The following CRYBG1 variants were observed in gnomAD, a reference collection of about 807,000 sequenced individuals.
CRYBG1 encodes the protein beta/gamma crystallin domain-containing protein 1.
A neutral mutation model predicts 189.2 loss-of-function variants in CRYBG1; 139 were observed. The observed-to-expected ratio is 0.73, with a 90% CI of 0.64 to 0.85. The LOEUF (loss-of-function observed/expected upper bound fraction) is 0.85. Among genes scored for constraint, CRYBG1 ranks in the 40% least tolerant of loss-of-function variants. CRYBG1 has a pLI of 0.00. For missense variants in CRYBG1, 2,611 were observed against 2,675.8 expected, an observed-to-expected ratio of 0.98 and a Z score of 0.53; for synonymous variants, 1,023 against 1,017.1, an observed-to-expected ratio of 1.01 and a Z score of -0.11.
At chr6:106,513,357 CT>C (rs1773346100) in intron 3 of CRYBG1, among the ~76,000 whole-genome samples, 1 of 152,164 alleles carries the variant, frequency 6.6e-6, no homozygotes, top group South Asian at 2.1e-4. Flanking sequence ...TGATTCTATT[CT>C]TTATTCAAAA....
At chr6:106,429,304 C>T (rs1771283000) in intron 1 of CRYBG1, among the ~76,000 whole-genome samples, 1 of 152,038 alleles carries the variant, frequency 6.6e-6, no homozygotes, top group South Asian at 2.1e-4. Context: ...TCAGTTCTTC[C>T]TTTTATAAAA....
In CRYBG1 at chr6:106,501,284, T is replaced by G. The variant is rs556994507; in HGVS notation, c.313-10146T>G. ...GTGATTCAAAAGTGTTCACCCTGCA[T>G]AGTTTGCATATCCTCCATACCTTAT... On this transcript the variant is annotated intron_variant, in intron 2 of 21. Transcript: ENST00000633556. 1.6e-4 allele frequency among the ~76,000 whole-genome samples: 24 copies of G among 152,288 alleles called. No homozygotes were observed. The South Asian group carries it at 5.0e-3, about 32-fold the overall frequency.
At position 106,418,713 on chromosome 6, in the gene CRYBG1, G is replaced by A. The variant is rs143549667; in HGVS notation, c.174-32981G>A. Among the ~76,000 whole-genome samples the A allele has an allele frequency of 2.8e-3, 431 of 152,260 alleles. 2 individuals are homozygous for A. Among genetic ancestry groups the A allele is most frequent in the African/African-American group, 9.9e-3 (410 of 41,542 alleles). On this transcript the variant is annotated intron_variant, in intron 1 of 21. Transcript: ENST00000633556. ...TTGTACCATTGAAGCAATGTTATTCGTCTGGGGTAATATCCGAGGTTTGTT... is the reference window on the plus strand; with the variant it reads ...TTGTACCATTGAAGCAATGTTATTCATCTGGGGTAATATCCGAGGTTTGTT...
Position 106,511,803 on chromosome 6 carries a change from A to G in CRYBG1, c.686A>G (p.Glu229Gly). 1 of 1,527,486 alleles carries G rather than the reference A, an allele frequency of 6.5e-7. No homozygotes were observed. Among genetic ancestry groups the G allele is most frequent in the East Asian group, 2.5e-5 (1 of 40,758 alleles). 94.6% of individuals were successfully genotyped at this position (1,527,486 alleles called of 1,614,324 possible). ...AAAVAVQQCH[E>G]NDSPQLEPLE... ...GCTGTGGCTGTGCAGCAGTGCCATG[A>G]AAATGATTCACCCCAATTAGAACCT... Residue 229 changes from glutamate (E) to glycine (G), a missense_variant, in exon 3 of 22, where the codon GAA becomes GGA. By Grantham distance (98) the Glu-to-Gly change is moderately conservative (BLOSUM62 -2). Transcript: ENST00000633556.
At position 106,417,075 on chromosome 6, in the gene CRYBG1, A is replaced by G. The variant is rs150167957; in HGVS notation, c.174-34619A>G. 4.3e-3 allele frequency among the ~76,000 whole-genome samples: 613 copies of G among 141,008 alleles called. 8 individuals carry two copies. The highest frequency in any genetic ancestry group is 0.015 in the African/African-American group (572 of 36,942). The allele number at this position is 141,008 out of a possible 152,430, so 92.5% of individuals were successfully genotyped here. ...GGCTGGAGTGCACTGGCACAATTAC[A>G]GCTCACTGCACTCTTGACCTCCCAG... On this transcript the variant is annotated intron_variant, in intron 1 of 21. Transcript: ENST00000633556.
chr6:106,414,734 T>C (rs111579246), intron 1 of CRYBG1, among the ~76,000 whole-genome samples: 2 of 152,196 alleles, frequency 1.3e-5, no homozygotes, highest in Non-Finnish European at 2.9e-5. Flanking sequence ...GGAGTACAAC[T>C]ATATGCACTT....
At chr6:106,553,701 C>T (rs1028173860) in intron 16 of CRYBG1, 134 bp downstream of exon 16, 8 of 678,692 alleles carry the variant, frequency 1.2e-5, no homozygotes, top group Non-Finnish European at 1.8e-5. Context: ...TGGCGTGCTT[C>T]GTGATATCTG....
In CRYBG1 at chr6:106,519,656, G is replaced by A. The variant is rs955116118; in HGVS notation, c.2448G>A (p.Glu816=). ...AGGATCATAAGCTCTTAGAGAAGGA[G>A]GACTCAGAGGCTGCAGACAGCAAAA... ...PVKDHKLLEK[E]DSEAADSKSL... Residue 816 remains glutamate (E), a synonymous_variant, in exon 4 of 22, where the codon GAG becomes GAA. Coordinates refer to ENST00000633556, the MANE Select transcript of CRYBG1 (RefSeq NM_001371242.2). 6.2e-7 allele frequency: 1 copy of A among 1,614,100 alleles called. No homozygotes were observed. Among genetic ancestry groups the A allele is most frequent in the Admixed American group, 1.7e-5 (1 of 60,028 alleles).
intron 1 of CRYBG1, among the ~76,000 whole-genome samples, chr6:106,435,750 A>G (rs879647652): frequency 5.3e-5 from 8 of 151,820 alleles, no homozygotes; most frequent in Non-Finnish European, 1.0e-4. Context: ...TAATTTTTGT[A>G]TTTTTCGTAG....
At chr6:106,547,708 G>C (rs1774297802) in intron 13 of CRYBG1, among the ~76,000 whole-genome samples, 1 of 152,182 alleles carries the variant, frequency 6.6e-6, no homozygotes, top group African/African-American at 2.4e-5. Flanking sequence ...TTCCATGAAA[G>C]TATCTCCCAG....
chr6:106,371,545 G>A (rs987597343), intron 1 of CRYBG1, among the ~76,000 whole-genome samples: 1 of 152,112 alleles, frequency 6.6e-6, no homozygotes, highest in Non-Finnish European at 1.5e-5. Context: ...TGCAAGGGTG[G>A]GATTACCGAA....
chr6:106,528,035 T>C (rs1773793829), intron 7 of CRYBG1, among the ~76,000 whole-genome samples: 1 of 152,244 alleles, frequency 6.6e-6, no homozygotes, highest in African/African-American at 2.4e-5. Flanking sequence ...GATGATTCTT[T>C]ACCTTAAAAA....
chr6:106,406,333 A>C (rs1414422215), intron 1 of CRYBG1, among the ~76,000 whole-genome samples: 2 of 152,216 alleles, frequency 1.3e-5, no homozygotes, highest in East Asian at 3.9e-4. Context: ...AGAGGGAAAA[A>C]AAATGAAAAG....
chr6:106,512,168 G>A lies in CRYBG1; in HGVS notation c.1051G>A (p.Ala351Thr), dbSNP rs1422344167. 9.1e-6 allele frequency: 14 copies of A among 1,534,394 alleles called. No homozygotes were observed. In the South Asian group the frequency reaches 1.2e-4, roughly 13 times the overall value. ...DLPGEPPAEGAAHTASSAQAD... is the reference protein window; with the variant it reads ...DLPGEPPAEGTAHTASSAQAD... Reference sequence around the variant, plus strand: ...GCCAGGTGAGCCTCCGGCCGAGGGCGCAGCGCACACGGCCAGCTCCGCGCA... The same window carrying A: ...GCCAGGTGAGCCTCCGGCCGAGGGCACAGCGCACACGGCCAGCTCCGCGCA... Residue 351 changes from alanine (A) to threonine (T), a missense_variant, in exon 3 of 22, where the codon GCA (alanine) becomes ACA (threonine). Ala to Thr is a moderately conservative substitution (Grantham distance 58). Coordinates refer to ENST00000633556, the MANE Select transcript of CRYBG1 (RefSeq NM_001371242.2).
intron 2 of CRYBG1, among the ~76,000 whole-genome samples, chr6:106,456,598 A>G (rs1319171606): frequency 6.6e-6 from 1 of 152,212 alleles, no homozygotes; most frequent in Non-Finnish European, 1.5e-5. Context: ...GGTAGCAGAG[A>G]GGAAAAAACA....
chr6:106,377,619 TTTTATATATATA>T (rs1562290417), intron 1 of CRYBG1, among the ~76,000 whole-genome samples: 5 of 122,344 alleles, frequency 4.1e-5, no homozygotes, highest in African/African-American at 4.7e-5. Context: ...AGTCCTAAGG[TTTTATATATATA>T]TATATATATA....
rs547114496 is a variant in CRYBG1, at chr6:106,504,234, C to T, written c.313-7196C>T. The stretch of plus-strand genomic sequence containing the variant: ...CCCGGGAGACTGGGAGCAGTGACAT[C>T]GGAGAAGAAGGTTCTGAAGCCCTAA... On this transcript the variant is annotated intron_variant, in intron 2 of 21. Transcript: ENST00000633556. 4.6e-5 allele frequency among the ~76,000 whole-genome samples: 7 copies of T among 152,238 alleles called. No individual in the cohort carries two copies. The South Asian group carries it at 1.0e-3, about 23-fold the overall frequency.
chr6:106,567,982 G>A (rs756466000), intron 21 of CRYBG1, among the ~76,000 whole-genome samples: 5 of 151,362 alleles, frequency 3.3e-5, no homozygotes, highest in Non-Finnish European at 5.9e-5. Context: ...AATACAGCCC[G>A]TTTTCATTGT....
chr6:106,533,498 G>A (rs1773920886), intron 8 of CRYBG1, among the ~76,000 whole-genome samples: 1 of 152,228 alleles, frequency 6.6e-6, no homozygotes, highest in African/African-American at 2.4e-5. Flanking sequence ...AAAATAGTCT[G>A]TAAAGAGGCA....
Sources: allele counts gnomAD v4.1 joint callset (sites outside exome capture counted in the v4.1 genomes callset), GRCh38; gene constraint gnomAD v4.1.1; transcripts MANE v1.5; gene names NCBI Gene and HGNC (gene_info 2026-07-23, HGNC 2026-07-21).